Variants in SYTL5 observed in about 807,000 individuals in gnomAD.
SYTL5 encodes synaptotagmin like 5, also known as synaptotagmin-like protein 5.
A neutral mutation model predicts 55.9 loss-of-function variants in SYTL5; 34 were observed. The observed-to-expected ratio is 0.61, with a 90% CI of 0.46 to 0.81. SYTL5 has a LOEUF of 0.81. Ranked by LOEUF, SYTL5 falls within the 30% of genes least tolerant of loss-of-function variation. The pLI is 0.00. For synonymous variants in SYTL5, 221 were observed against 188.7 expected (o/e 1.17, Z -1.40); for missense variants, 637 against 546.7 (o/e 1.17, Z -1.65).
chrX:38,015,400 C>T (rs1408074862), intron 1 of SYTL5, among the ~76,000 whole-genome samples: 3 of 112,193 alleles, frequency 2.7e-5, no homozygotes, highest in East Asian at 2.8e-4. Context: ...CTCCTCAAAA[C>T]CCTGTGAAGT....
At chrX:37,912,043 A>G in the SYTL5 span, among the ~76,000 whole-genome samples, 1 of 112,379 alleles carries the variant, frequency 8.9e-6, no homozygotes. Context: ...CTCTGGGCCT[A>G]TTATCTAAAG....
intron 2 of SYTL5, among the ~76,000 whole-genome samples, chrX:38,048,948 G>A (rs1271589775): frequency 8.9e-6 from 1 of 111,980 alleles, no homozygotes; most frequent in African/African-American, 3.3e-5. Context: ...TTTATATTCA[G>A]AGTACAGAAA....
chrX:37,966,436 C>CTTTTTTTTTTTTTT, the SYTL5 span, among the ~76,000 whole-genome samples: 6 of 78,138 alleles, frequency 7.7e-5, no homozygotes, highest in Admixed American at 1.6e-4. Flanking sequence ...TTTTCTTTTT[C>CTTTTTTTTTTTTTT]TTTTTTTTTT....
chrX:37,977,700 TCACA>T, the SYTL5 span, among the ~76,000 whole-genome samples: 37,086 of 82,093 alleles, frequency 0.45, 8,640 homozygotes, highest in Non-Finnish European at 0.61. Flanking sequence ...GGACCAATGA[TCACA>T]CACACACACA....
intron 2 of SYTL5, among the ~76,000 whole-genome samples, chrX:38,043,664 T>TATATATATATATATATAC (rs1935358859): frequency 2.9e-5 from 1 of 34,739 alleles, no homozygotes; most frequent in Non-Finnish European, 5.2e-5. Flanking sequence ...TATGTATGTA[T>TATATATATATATATATAC]ATATATATAT....
At chrX:38,120,563 T>G in intron 14 of SYTL5, 97 bp downstream of exon 14, 1 of 650,261 alleles carries the variant, frequency 1.5e-6, no homozygotes. Flanking sequence ...TCTTTCATAT[T>G]ACACAAACAA....
chrX:38,048,135 G>A (rs1287000447), intron 2 of SYTL5, among the ~76,000 whole-genome samples: 3 of 109,960 alleles, frequency 2.7e-5, no homozygotes, highest in African/African-American at 9.9e-5. Flanking sequence ...GCAGTGAGCT[G>A]AGATCACGCC....
At chrX:37,929,346 G>T in the SYTL5 span, among the ~76,000 whole-genome samples, 1 of 111,553 alleles carries the variant, frequency 9.0e-6, no homozygotes, top group East Asian at 2.8e-4. Context: ...GAGGAAGGGG[G>T]TCAATATGAG....
At chrX:38,011,291 TCAAA>T (rs1204913398) in intron 1 of SYTL5, among the ~76,000 whole-genome samples, 3 of 112,402 alleles carry the variant, frequency 2.7e-5, no homozygotes, top group African/African-American at 9.7e-5. Flanking sequence ...TATTTGAGCA[TCAAA>T]CAAAGGCCTC....
the SYTL5 span, among the ~76,000 whole-genome samples, chrX:37,929,204 C>T: frequency 1.8e-5 from 2 of 112,019 alleles, no homozygotes; most frequent in East Asian, 5.6e-4. Context: ...GGCTTTTCAC[C>T]TGTTTTTTCT....
the SYTL5 span, among the ~76,000 whole-genome samples, chrX:37,965,170 C>A: frequency 0.012 from 1,362 of 111,208 alleles, 26 homozygotes; most frequent in African/African-American, 0.042. Flanking sequence ...TTTCGAGAAA[C>A]CTTTCATCAT....
chrX:38,117,575 A>G (rs1937513687), intron 13 of SYTL5, among the ~76,000 whole-genome samples: 1 of 112,146 alleles, frequency 8.9e-6, no homozygotes, highest in Non-Finnish European at 1.9e-5. Context: ...ATTCTCTCTC[A>G]TGATTCTGTG....
At chrX:37,890,810 A>T in the SYTL5 span, among the ~76,000 whole-genome samples, 2 of 112,228 alleles carry the variant, frequency 1.8e-5, no homozygotes, top group South Asian at 7.5e-4. Context: ...AACATAACCA[A>T]TTATTAGGAA....
chrX:38,125,635 C>T (rs1308597082), intron 16 of SYTL5, 129 bp downstream of exon 16: 3 of 485,888 alleles, frequency 6.2e-6, no homozygotes, highest in Admixed American at 3.7e-5. Flanking sequence ...ACCACAAATA[C>T]TTCATTCCTT....
chrX:38,027,485 G>GA (rs1011224406), intron 1 of SYTL5, among the ~76,000 whole-genome samples: 24 of 110,214 alleles, frequency 2.2e-4, no homozygotes, highest in Middle Eastern at 9.3e-3. Context: ...TAAATTGCAG[G>GA]AAAAAAACGA....
intron 6 of SYTL5, among the ~76,000 whole-genome samples, chrX:38,078,955 T>C (rs1936458916): frequency 8.9e-6 from 1 of 112,325 alleles, no homozygotes; most frequent in Admixed American, 9.4e-5. Flanking sequence ...ATTTTGCCAC[T>C]AAGAAAGTGA....
At chrX:38,113,208 C>T (rs755395258) in intron 13 of SYTL5, among the ~76,000 whole-genome samples, 78 of 112,150 alleles carry the variant, frequency 7.0e-4, no homozygotes, top group African/African-American at 2.5e-3. Context: ...GTAAAGCCTT[C>T]TGAAAGGCAT....
chrX:38,013,864 A>G, intron 1 of SYTL5, among the ~76,000 whole-genome samples: 2 of 109,778 alleles, frequency 1.8e-5, no homozygotes, highest in Middle Eastern at 9.2e-3. Flanking sequence ...AGGCCCCTAG[A>G]TCTACTGGCC....
At chrX:38,120,730 G>A (rs1937562590) in intron 14 of SYTL5, among the ~76,000 whole-genome samples, 1 of 110,093 alleles carries the variant, frequency 9.1e-6, no homozygotes, top group African/African-American at 3.3e-5. Flanking sequence ...CAAAGATATA[G>A]GATCTTCCCC....
Sources: gnomAD v4.1 joint callset for allele counts (sites outside exome capture counted in the v4.1 genomes callset) on GRCh38, gnomAD v4.1.1 for gene constraint, MANE v1.5 for transcripts, NCBI Gene and HGNC (gene_info 2026-07-23, HGNC 2026-07-21) for gene names.